FYN: variants seen among roughly 807,000 people sequenced by gnomAD.
The protein encoded by FYN is tyrosine-protein kinase Fyn.
In FYN, 10 loss-of-function variants were observed where a neutral mutation model predicts 70.2. The ratio of observed to expected loss-of-function variants is 0.14; its 90% CI spans 0.09 to 0.24. The LOEUF (loss-of-function observed/expected upper bound fraction) is 0.24. Among genes scored for constraint, FYN ranks in the 10% least tolerant of loss-of-function variants. The probability of loss-of-function intolerance (pLI) is 1.00; values close to 1 mark genes in which losing one functional copy is unlikely to be tolerated. For missense variants in FYN, 319 were observed against 673.1 expected, an observed-to-expected ratio of 0.47 and a Z score of 5.82; for synonymous variants, 236 against 248.6, an observed-to-expected ratio of 0.95 and a Z score of 0.48.
chr6:111,673,153 T>C (rs804181), intron 13 of FYN, among the ~76,000 whole-genome samples: 8,078 of 152,214 alleles, frequency 0.053, 695 homozygotes, highest in African/African-American at 0.18. Context: ...CTCGCCCTCC[T>C]GAGACCCGCA....
At chr6:111,853,984 T>G (rs1251464233) in intron 1 of FYN, among the ~76,000 whole-genome samples, 1 of 152,112 alleles carries the variant, frequency 6.6e-6, no homozygotes, top group African/African-American at 2.4e-5. Context: ...GATGGAGAAA[T>G]GTGATTTTCT....
Position 111,822,540 on chromosome 6 carries a change from T to C in FYN, c.-82+24049A>G, listed in dbSNP as rs1195601513. Among the ~76,000 whole-genome samples the C allele has an allele frequency of 5.9e-5, 9 of 151,766 alleles. No individual in the cohort carries two copies. The South Asian group carries it at 8.3e-4, about 14-fold the overall frequency. On this transcript the variant is annotated intron_variant, in intron 2 of 13. Transcript: ENST00000354650. ...GATATACCTAATGTAAATGATGAGT[T>C]AATGGGTGCAGCAAACCAACATGGC...
chr6:111,746,253 T>C (rs1023192820), intron 3 of FYN, among the ~76,000 whole-genome samples: 1 of 152,210 alleles, frequency 6.6e-6, no homozygotes, highest in African/African-American at 2.4e-5. Flanking sequence ...CAAACGTATA[T>C]ACCTGTATAA....
intron 2 of FYN, among the ~76,000 whole-genome samples, chr6:111,785,090 G>A (rs996194856): frequency 1.3e-5 from 2 of 152,320 alleles, no homozygotes; most frequent in African/African-American, 2.4e-5. Flanking sequence ...ATGAAGAAAC[G>A]TGCTTTCTAT....
intron 3 of FYN, among the ~76,000 whole-genome samples, chr6:111,728,071 A>T (rs1464637248): frequency 6.6e-6 from 1 of 152,224 alleles, no homozygotes; most frequent in African/African-American, 2.4e-5. Context: ...TAAATGGCCA[A>T]ATGAGGCTTT....
intron 1 of FYN, among the ~76,000 whole-genome samples, chr6:111,856,290 T>C (rs1399418609): frequency 6.6e-6 from 1 of 152,224 alleles, no homozygotes. Context: ...ATTTTCTGAA[T>C]GAGAAATATT....
At chr6:111,839,936 G>A (rs1227707856) in intron 2 of FYN, among the ~76,000 whole-genome samples, 4 of 152,106 alleles carry the variant, frequency 2.6e-5, no homozygotes, top group Non-Finnish European at 5.9e-5. Context: ...GACTGAGAGG[G>A]TATGATTTCC....
Position 111,661,010 on chromosome 6 carries a change from C to G in FYN, c.*729G>C, listed in dbSNP as rs189448681. 2.0e-5 allele frequency: 3 copies of G among 152,156 alleles called. No homozygotes were observed. In the East Asian group the frequency reaches 5.8e-4, roughly 29 times the overall value. The allele number at this position is 152,156 out of a possible 1,614,324, so 9.4% of individuals were successfully genotyped here. A position where few individuals can be genotyped will look rare whatever the true frequency, so the allele number is the denominator to read the frequency against. ...TGAAAAGAGTCAAAGTAACAACCAC[C>G]TACAGGTACAGTCATGAACCAGGAA... On this transcript the variant is annotated 3_prime_UTR_variant, in exon 14 of 14. Transcript: ENST00000354650. The surrounding 1 kb of genome is among the most constrained non-coding windows in gnomAD (Gnocchi z 4.0).
chr6:111,827,468 C>A (rs1043433403), intron 2 of FYN, among the ~76,000 whole-genome samples: 1 of 152,108 alleles, frequency 6.6e-6, no homozygotes, highest in Non-Finnish European at 1.5e-5. Context: ...CATCTTTAAG[C>A]CAGTGTGTAG....
intron 1 of FYN, among the ~76,000 whole-genome samples, chr6:111,853,056 G>C (rs540037209): frequency 6.6e-6 from 1 of 152,254 alleles, no homozygotes; most frequent in East Asian, 1.9e-4. Flanking sequence ...CTGAGCTTTT[G>C]CATGTCAGTT....
At chr6:111,696,174 C>G in intron 10 of FYN, 103 bp downstream of exon 10, 1 of 1,034,664 alleles carries the variant, frequency 9.7e-7, no homozygotes, top group East Asian at 2.7e-5. Flanking sequence ...ATACTTGACC[C>G]AGGCAGAAAC....
intron 1 of FYN, among the ~76,000 whole-genome samples, chr6:111,868,324 T>G (rs1774172768): frequency 6.6e-6 from 1 of 152,216 alleles, no homozygotes; most frequent in Non-Finnish European, 1.5e-5. Flanking sequence ...GAATACGCAA[T>G]GAATGAATGC....
chr6:111,698,941 G>C (rs575772391), intron 9 of FYN, among the ~76,000 whole-genome samples: 18 of 152,180 alleles, frequency 1.2e-4, no homozygotes, highest in Non-Finnish European at 2.5e-4. Flanking sequence ...AAATTAGCTG[G>C]GCGTGGTGGC....
intron 3 of FYN, among the ~76,000 whole-genome samples, chr6:111,720,836 C>T (rs1408855087): frequency 6.6e-6 from 1 of 152,020 alleles, no homozygotes; most frequent in African/African-American, 2.4e-5. Context: ...GGATTAAAAA[C>T]TCGAGTTGTT....
chr6:111,832,663 A>G (rs1773051348), intron 2 of FYN, among the ~76,000 whole-genome samples: 4 of 152,202 alleles, frequency 2.6e-5, no homozygotes, highest in Admixed American at 2.6e-4. Context: ...TTACATAATT[A>G]AATCTCAAAT....
intron 1 of FYN, among the ~76,000 whole-genome samples, chr6:111,859,059 C>T (rs893499961): frequency 1.2e-4 from 18 of 152,218 alleles, no homozygotes; most frequent in Middle Eastern, 6.8e-3. Flanking sequence ...CTCTCCACTT[C>T]CCTGGATTTC....
chr6:111,801,952 T>C (rs569519513), intron 2 of FYN, among the ~76,000 whole-genome samples: 5 of 152,204 alleles, frequency 3.3e-5, no homozygotes, highest in East Asian at 3.8e-4. Context: ...ATGAAGGGAA[T>C]AGAGAAGCAC....
chr6:111,823,097 C>T (rs1286697432), intron 2 of FYN, among the ~76,000 whole-genome samples: 1 of 152,188 alleles, frequency 6.6e-6, no homozygotes, highest in Non-Finnish European at 1.5e-5. Context: ...TTTCACGTTA[C>T]CAGATGGGTA....
At chr6:111,847,415 G>A (rs62413724) in intron 1 of FYN, among the ~76,000 whole-genome samples, 6,638 of 152,232 alleles carry the variant, frequency 0.044, 306 homozygotes, top group African/African-American at 0.12. Context: ...TTAGCTGTTT[G>A]AATAAAGCTG....
Sources: gnomAD v4.1 joint callset for allele counts (sites outside exome capture counted in the v4.1 genomes callset) on GRCh38, gnomAD v4.1.1 for gene constraint, Gnocchi (gnomAD v3.1) non-coding constraint, MANE v1.5 for transcripts, NCBI Gene and HGNC (gene_info 2026-07-23, HGNC 2026-07-21) for gene names.